The following FHDC1 variants were observed in gnomAD, a reference collection of about 807,000 sequenced individuals.
FHDC1 encodes the protein FH2 domain containing 1, also known as FH2 domain-containing protein 1.
Under a neutral mutation model 52.6 loss-of-function variants are expected in FHDC1, and 25 were observed. That is an observed-to-expected ratio of 0.48 (90% CI 0.35 to 0.66). The LOEUF (loss-of-function observed/expected upper bound fraction) is 0.66, where lower values mean the gene tolerates loss of function less well. FHDC1 is among the 30% of genes least tolerant of loss of function. The probability of loss-of-function intolerance (pLI) is 0.01; values close to 1 mark genes in which losing one functional copy is unlikely to be tolerated. For missense variants in FHDC1, 1,459 were observed against 1,452.8 expected (o/e 1.00, Z -0.07); for synonymous variants, 616 against 581.5 (o/e 1.06, Z -0.85).
At chr4:152,948,138 C>T (rs550970274) in intron 2 of FHDC1, among the ~76,000 whole-genome samples, 3 of 152,066 alleles carry the variant, frequency 2.0e-5, no homozygotes, top group South Asian at 4.1e-4. Flanking sequence ...ACCATCAAAA[C>T]CCGAAAGCTA....
intron 2 of FHDC1, among the ~76,000 whole-genome samples, chr4:152,947,224 A>G (rs1240707353): frequency 6.6e-6 from 1 of 151,978 alleles, no homozygotes; most frequent in Non-Finnish European, 1.5e-5. Flanking sequence ...CTCAAAAAAA[A>G]AAAAAAAGAA....
intron 2 of FHDC1, among the ~76,000 whole-genome samples, chr4:152,949,488 T>A (rs1739859065): frequency 6.6e-6 from 1 of 152,186 alleles, no homozygotes; most frequent in Non-Finnish European, 1.5e-5. Context: ...TCTAAAAAAA[T>A]AAATAAATAA....
upstream of FHDC1, among the ~76,000 whole-genome samples, chr4:152,934,213 A>T (rs537950718): frequency 6.6e-6 from 1 of 152,320 alleles, no homozygotes; most frequent in East Asian, 1.9e-4. Context: ...AAAGAGCAGC[A>T]AATTTAGCAA....
chr4:152,936,494 G>A (rs1315334211), intron 1 of FHDC1, 85 bp downstream of exon 1: 1 of 152,422 alleles, frequency 6.6e-6, no homozygotes, highest in Non-Finnish European at 1.5e-5. Flanking sequence ...GGAGGGTCAG[G>A]GTTGGGGTGT....
chr4:152,966,855 C>T (rs1345634444), intron 9 of FHDC1, among the ~76,000 whole-genome samples: 1 of 152,202 alleles, frequency 6.6e-6, no homozygotes. Flanking sequence ...TGTGGTGGCT[C>T]ATGCCTGTGA....
At chr4:152,933,729 C>CAAA (rs70949623), upstream of FHDC1, among the ~76,000 whole-genome samples, 594 of 60,286 alleles carry the variant, frequency 9.9e-3, 15 homozygotes, top group South Asian at 0.051. Flanking sequence ...GACCCCGTCT[C>CAAA]AAAAAAAAAA....
chr4:152,963,259 G>A, intron 8 of FHDC1, 129 bp downstream of exon 8: 1 of 744,638 alleles, frequency 1.3e-6, no homozygotes. Context: ...AGATGGTTCT[G>A]TTTGTAGAAG....
chr4:152,964,812 G>A, intron 8 of FHDC1, 93 bp from the exon 9 acceptor site: 1 of 985,684 alleles, frequency 1.0e-6, no homozygotes, highest in Non-Finnish European at 1.6e-6. Context: ...TTAAAAACAG[G>A]AGCAGTGATT....
At chr4:152,974,523 TG>T in intron 11 of FHDC1, 151 bp from the exon 12 acceptor site, 1 of 1,178,840 alleles carries the variant, frequency 8.5e-7, no homozygotes, top group South Asian at 2.4e-5. Flanking sequence ...CACATGCATG[TG>T]CACACACACA....
chr4:152,942,535 A>G (rs774708676), intron 1 of FHDC1, among the ~76,000 whole-genome samples: 4 of 152,210 alleles, frequency 2.6e-5, no homozygotes, highest in Non-Finnish European at 5.9e-5. Context: ...AGGGTCACTC[A>G]TGCCTAATGC....
rs1171911514 is a variant in FHDC1, at chr4:152,974,924, C to A, written c.1633C>A (p.Pro545Thr). ...CCGCCGCTCCCGCCTCTCCCTGGGT[C>A]CCTCTGCTGACCGGGAGCTGCTGAC... The part of the protein sequence containing the change: ...NTRRSRLSLG[P>T]SADRELLTFL... Residue 545 changes from proline to threonine, a missense_variant, in exon 12 of 12, where the codon CCC becomes ACC. Pro to Thr is a conservative substitution (Grantham distance 38). Coordinates refer to ENST00000511601, the MANE Select transcript of FHDC1 (RefSeq NM_001371116.1). The A allele has an allele frequency of 1.2e-6, 2 of 1,612,174 alleles. No homozygotes were observed. Among genetic ancestry groups the A allele is most frequent in the African/African-American group, 2.7e-5 (2 of 74,910 alleles).
chr4:152,930,820 CACTAA>C, the FHDC1 span, among the ~76,000 whole-genome samples: 1 of 152,124 alleles, frequency 6.6e-6, no homozygotes, highest in Non-Finnish European at 1.5e-5. Context: ...AGAGCTAGTT[CACTAA>C]ACTAAGCACA....
chr4:152,919,213 C>T, the FHDC1 span, among the ~76,000 whole-genome samples: 23 of 152,328 alleles, frequency 1.5e-4, no homozygotes, highest in South Asian at 3.5e-3. Flanking sequence ...AGCTGTCGAG[C>T]CTTGAAGGTA....
intron 2 of FHDC1, among the ~76,000 whole-genome samples, chr4:152,949,021 G>A (rs1402041942): frequency 6.8e-6 from 1 of 148,026 alleles, no homozygotes; most frequent in Non-Finnish European, 1.5e-5. Flanking sequence ...CCCAGGAGCT[G>A]GAGGTTGCAG....
intron 11 of FHDC1, 147 bp downstream of exon 11, chr4:152,972,688 G>C: frequency 1.0e-6 from 1 of 961,370 alleles, no homozygotes; most frequent in East Asian, 2.7e-5. Flanking sequence ...CAGGCTCTCG[G>C]CTGGGATTGC....
At chr4:152,956,570 T>A (rs954385195) in intron 4 of FHDC1, among the ~76,000 whole-genome samples, 2 of 152,116 alleles carry the variant, frequency 1.3e-5, no homozygotes, top group African/African-American at 4.8e-5. Context: ...AAAGGAAGAC[T>A]GTTGAGGGCA....
intron 4 of FHDC1, among the ~76,000 whole-genome samples, chr4:152,955,311 T>C (rs1357405630): frequency 1.3e-5 from 2 of 152,150 alleles, no homozygotes; most frequent in East Asian, 3.9e-4. Flanking sequence ...AGGAGCTTGA[T>C]AGAAAAAAAA....
Position 152,975,812 on chromosome 4 carries a change from G to GAGCCCAGCTGCAAGGGCGGCC in FHDC1, c.2522_2542dup (p.Gly847_Leu848insGlnProSerCysLysGlyGly). 1 of 1,523,636 alleles carries GAGCCCAGCTGCAAGGGCGGCC rather than the reference G, an allele frequency of 6.6e-7. No homozygotes were observed. Among genetic ancestry groups the GAGCCCAGCTGCAAGGGCGGCC allele is most frequent in the South Asian group, 1.3e-5 (1 of 75,972 alleles). The allele number at this position is 1,523,636 out of a possible 1,614,324, so 94.4% of individuals were successfully genotyped here. ...TCCTGCCCCCGTCTCTGTGGATAGT[G>GAGCCCAGCTGCAAGGGCGGCC]AGCCCAGCTGCAAGGGCGGCCTGCC... On this transcript the variant is annotated inframe_insertion, in exon 12 of 12. Coordinates refer to ENST00000511601, the MANE Select transcript of FHDC1 (RefSeq NM_001371116.1).
chr4:152,962,625 G>T (rs1740312615), intron 6 of FHDC1, among the ~76,000 whole-genome samples, 189 bp from the exon 7 acceptor site: 1 of 152,200 alleles, frequency 6.6e-6, no homozygotes, highest in Admixed American at 6.5e-5. Context: ...CTATGACACG[G>T]ATTGCCGGTA....
Sources: gnomAD v4.1 joint callset for allele counts (sites outside exome capture counted in the v4.1 genomes callset) on GRCh38, gnomAD v4.1.1 for gene constraint, MANE v1.5 for transcripts, NCBI Gene and HGNC (gene_info 2026-07-23, HGNC 2026-07-21) for gene names.